Variants in WDR45B observed in about 807,000 individuals in gnomAD.
WDR45B encodes WD repeat domain phosphoinositide-interacting protein 3.
WDR45B carries 20 observed loss-of-function variants against 44.6 expected under a neutral mutation model. That is an observed-to-expected ratio of 0.45 (90% CI 0.32 to 0.65). The LOEUF (loss-of-function observed/expected upper bound fraction) is 0.65. Ranked by LOEUF, WDR45B falls within the 30% of genes least tolerant of loss-of-function variation. WDR45B has a pLI of 0.05. For synonymous variants in WDR45B, 169 were observed against 164.9 expected (o/e 1.02, Z -0.19); for missense variants, 323 against 430.2 (o/e 0.75, Z 2.20).
chr17:82,633,655 T>C (rs1262748250), intron 2 of WDR45B, among the ~76,000 whole-genome samples: 1 of 152,166 alleles, frequency 6.6e-6, no homozygotes, highest in African/African-American at 2.4e-5. Flanking sequence ...TATGAAGCTA[T>C]GGGAACTCTC....
chr17:82,631,191 C>A (rs1396778176), intron 2 of WDR45B, among the ~76,000 whole-genome samples, 169 bp from the exon 3 acceptor site: 2 of 151,330 alleles, frequency 1.3e-5, no homozygotes, highest in African/African-American at 4.9e-5. Flanking sequence ...TTCACAGGTA[C>A]AATCACAGCT....
intron 3 of WDR45B, among the ~76,000 whole-genome samples, chr17:82,630,393 A>G (rs1053307966): frequency 1.2e-4 from 18 of 150,886 alleles, no homozygotes; most frequent in African/African-American, 3.7e-4. Flanking sequence ...ACCAACAGCG[A>G]GGTTAAGCTG....
chr17:82,626,961 T>C, intron 4 of WDR45B: 3 of 555,096 alleles, frequency 5.4e-6, no homozygotes, highest in East Asian at 3.2e-5. Context: ...GCTGGTCCAC[T>C]GTGGCGCACG....
chr17:82,615,045 G>A lies in WDR45B; in HGVS notation c.*874C>T, dbSNP rs1463880941. The A allele has an allele frequency of 6.6e-6, 1 of 152,208 alleles. No individual in the cohort carries two copies. The highest frequency in any genetic ancestry group is 1.5e-5 in the Non-Finnish European group (1 of 68,070). 9.4% of individuals were successfully genotyped at this position (152,208 alleles called of 1,614,324 possible). On this transcript the variant is annotated 3_prime_UTR_variant, in exon 10 of 10. Transcript: ENST00000392325. ...AACTGCATGGACCCTCCCAGACCCT[G>A]CTCTGGCAGACGACCCCGAAGTTAA...
chr17:82,629,524 G>C, intron 3 of WDR45B: 4 of 985,492 alleles, frequency 4.1e-6, no homozygotes, highest in Non-Finnish European at 4.8e-6. Flanking sequence ...AGCTGGCACA[G>C]ACAAACCTTG....
chr17:82,617,327 C>T lies in WDR45B; in HGVS notation c.775G>A (p.Ala259Thr), dbSNP rs1358871841. 6.2e-7 allele frequency: 1 copy of T among 1,613,842 alleles called. No homozygotes were observed. Among genetic ancestry groups the T allele is most frequent in the Admixed American group, 1.7e-5 (1 of 60,026 alleles). The change falls in exon 8 of 10, where the codon GCT becomes ACT. Residue 259 changes from alanine (A) to threonine (T), a missense_variant. Transcript: ENST00000392325. ...SDHGTVHIFA[A>T]EDPKRNKQSS... ...TGTTTATTCCTTTTTGGATCTTCAGCTGCAAAAATATGCACTGTGCCGTGG... is the reference window on the plus strand; with the variant it reads ...TGTTTATTCCTTTTTGGATCTTCAGTTGCAAAAATATGCACTGTGCCGTGG...
rs1486241362 is a variant in WDR45B at position 82,644,001 on chromosome 17, T to G, written c.90A>C (p.Glu30Asp). Reference protein sequence around the residue: ...QDHGCFACGMENGFRVYNTDP... With the variant: ...QDHGCFACGMDNGFRVYNTDP... ...CAGTGTTATAGACTCGGAATCCATT[T>G]TCCATCCCACACGCAAAGCATCCTA... Residue 30 changes from glutamate (E) to aspartate (D), a missense_variant, in exon 2 of 10, where the codon GAA (glutamate) becomes GAC (aspartate). Coordinates refer to ENST00000392325, the MANE Select transcript of WDR45B (RefSeq NM_019613.4). 1 of 1,614,168 alleles carries G rather than the reference T, an allele frequency of 6.2e-7. No homozygotes were observed. The highest frequency in any genetic ancestry group is 8.5e-7 in the Non-Finnish European group (1 of 1,180,034).
chr17:82,621,888 A>C (rs1598261680), intron 5 of WDR45B, 89 bp from the exon 6 acceptor site: 1 of 1,339,854 alleles, frequency 7.5e-7, no homozygotes, highest in Non-Finnish European at 1.1e-6. Flanking sequence ...TCTCCGAAAA[A>C]ATAGATGTAT....
chr17:82,642,424 A>G (rs12948886), intron 2 of WDR45B, among the ~76,000 whole-genome samples: 16,346 of 152,282 alleles, frequency 0.11, 1,147 homozygotes, highest in Admixed American at 0.17. Flanking sequence ...ACTGTCTTCC[A>G]TGAAACCAGT....
At chr17:82,616,438 C>A (rs867817605) in intron 9 of WDR45B, 86 bp downstream of exon 9, 1 of 1,604,370 alleles carries the variant, frequency 6.2e-7, no homozygotes. Flanking sequence ...GGTGCTGGGA[C>A]GTCCATGGGA....
intron 3 of WDR45B, among the ~76,000 whole-genome samples, chr17:82,630,311 T>TC (rs1421364256): frequency 6.1e-5 from 3 of 49,562 alleles, no homozygotes; most frequent in African/African-American, 2.3e-4. Flanking sequence ...CCAGCCTACC[T>TC]CCCGCCTCCC....
At chr17:82,618,084 C>T (rs552960187) in intron 7 of WDR45B, among the ~76,000 whole-genome samples, 22 of 152,268 alleles carry the variant, frequency 1.4e-4, no homozygotes, top group Non-Finnish European at 2.4e-4. Context: ...CACACGCCAC[C>T]ACGCCCAGCT....
chr17:82,626,187 G>A (rs1161644510), intron 4 of WDR45B, among the ~76,000 whole-genome samples: 1 of 151,234 alleles, frequency 6.6e-6, no homozygotes, highest in Non-Finnish European at 1.5e-5. Context: ...GGCCACATTT[G>A]CATTACTAAG....
intron 3 of WDR45B, among the ~76,000 whole-genome samples, chr17:82,628,791 G>C (rs1353471295): frequency 6.6e-6 from 1 of 152,054 alleles, no homozygotes; most frequent in Non-Finnish European, 1.5e-5. Flanking sequence ...ATGGAGCTCA[G>C]GAGTTTGAGA....
At chr17:82,622,160 C>A (rs2045628166) in intron 5 of WDR45B, among the ~76,000 whole-genome samples, 1 of 152,052 alleles carries the variant, frequency 6.6e-6, no homozygotes. Context: ...TTAAAAGCTG[C>A]TCCATCAGCA....
intron 1 of WDR45B, 33 bp from the exon 2 acceptor site, chr17:82,644,056 C>T: frequency 6.2e-7 from 1 of 1,609,460 alleles, no homozygotes. Flanking sequence ...ACATTAATCC[C>T]CAGGCCTGGA....
chr17:82,634,150 C>CAAAAAAAAAAAAAAAAAAAAAAAA (rs36183298), intron 2 of WDR45B, among the ~76,000 whole-genome samples: 1 of 31,908 alleles, frequency 3.1e-5, no homozygotes, highest in Non-Finnish European at 5.4e-5. Context: ...GACTCCATCT[C>CAAAAAAAAAAAAAAAAAAAAAAAA]AAAAAAAAAA....
intron 2 of WDR45B, among the ~76,000 whole-genome samples, chr17:82,631,703 T>C (rs2045770858): frequency 1.3e-5 from 2 of 151,340 alleles, no homozygotes; most frequent in East Asian, 1.9e-4. Flanking sequence ...ACTGTCATCA[T>C]GTTCACTGTT....
intron 2 of WDR45B, among the ~76,000 whole-genome samples, chr17:82,643,564 CCT>C (rs1568017780): frequency 6.6e-6 from 1 of 152,108 alleles, no homozygotes; most frequent in Non-Finnish European, 1.5e-5. Context: ...GGAAATGCAC[CCT>C]GACTTACAAA....
Sources: gnomAD v4.1 joint callset for allele counts (sites outside exome capture counted in the v4.1 genomes callset) on GRCh38, gnomAD v4.1.1 for gene constraint, MANE v1.5 for transcripts, NCBI Gene and HGNC (gene_info 2026-07-23, HGNC 2026-07-21) for gene names.